FGF14: variants seen among roughly 807,000 people sequenced by gnomAD.
The protein encoded by FGF14 is fibroblast growth factor 14, also known as fibroblast growth factor homologous factor 4.
In FGF14, 5 loss-of-function variants were observed where a neutral mutation model predicts 25.5. The ratio of observed to expected loss-of-function variants is 0.20; its 90% CI spans 0.10 to 0.41. The LOEUF is 0.41. FGF14 is among the 10% of genes least tolerant of loss of function. FGF14 has a pLI of 1.00. For synonymous variants in FGF14, 138 were observed against 118.3 expected, an observed-to-expected ratio of 1.17 and a Z score of -1.08; for missense variants, 222 against 320.1, an observed-to-expected ratio of 0.69 and a Z score of 2.34.
intron 3 of FGF14, chr13:101,802,517 A>G (rs1235756090): frequency 6.2e-6 from 1 of 160,782 alleles, no homozygotes; most frequent in South Asian, 1.8e-4. Flanking sequence ...TGACACATCT[A>G]TTTGAGAAGT....
intron 1 of FGF14, among the ~76,000 whole-genome samples, chr13:102,121,552 T>C (rs74108985): frequency 5.8e-4 from 88 of 152,290 alleles, no homozygotes; most frequent in African/African-American, 2.1e-3. Flanking sequence ...TTTAATTAAG[T>C]TTTTATTTGT....
rs1191703902 is a variant in FGF14 at position 102,251,730 on chromosome 13, G to A, written c.208+149741C>T. Among the ~76,000 whole-genome samples, 3 of 152,100 alleles carry A rather than the reference G, an allele frequency of 2.0e-5. No homozygotes were observed. The East Asian group carries it at 5.8e-4, about 29-fold the overall frequency. ...GGAACCCAGTATCCCTCGTGCTTCA[G>A]TGGAAATCAGATGCCACACCCTTTA... On this transcript the variant is annotated intron_variant, in intron 1 of 4. Coordinates refer to the FGF14 transcript ENST00000376131.
chr13:102,393,333 G>A (rs954467040), intron 1 of FGF14, among the ~76,000 whole-genome samples: 3 of 152,116 alleles, frequency 2.0e-5, no homozygotes, highest in African/African-American at 7.2e-5. Context: ...TTCAAACACA[G>A]CAGCACTTTT....
At chr13:101,853,719 G>C (rs1357338315) in intron 3 of FGF14, among the ~76,000 whole-genome samples, 1 of 151,958 alleles carries the variant, frequency 6.6e-6, no homozygotes, top group Non-Finnish European at 1.5e-5. Flanking sequence ...GCCTCCCAAA[G>C]CACTGGGATT....
chr13:102,071,215 T>C (rs1193287664), intron 1 of FGF14, among the ~76,000 whole-genome samples: 2 of 152,168 alleles, frequency 1.3e-5, no homozygotes, highest in African/African-American at 4.8e-5. Flanking sequence ...GGTGGAAAAG[T>C]AACAGCACGA....
intron 1 of FGF14, among the ~76,000 whole-genome samples, chr13:102,053,870 T>C (rs2042320457): frequency 2.6e-5 from 4 of 152,180 alleles, no homozygotes; most frequent in Admixed American, 2.6e-4. Context: ...TTGTTTTTAC[T>C]GAACTGTAAG....
intron 1 of FGF14, among the ~76,000 whole-genome samples, chr13:102,250,094 A>G (rs2052094728): frequency 6.6e-6 from 1 of 152,084 alleles, no homozygotes; most frequent in African/African-American, 2.4e-5. Flanking sequence ...GTTGGAGAGG[A>G]CACCCCTCAA....
chr13:102,276,349 GTGTGTA>G (rs1377307860), intron 1 of FGF14, among the ~76,000 whole-genome samples: 189 of 32,752 alleles, frequency 5.8e-3, no homozygotes, highest in Non-Finnish European at 7.8e-3. Flanking sequence ...GTGTGTGTGT[GTGTGTA>G]TATATATATA....
intron 3 of FGF14, among the ~76,000 whole-genome samples, chr13:101,790,850 C>T (rs868085563): frequency 2.0e-5 from 3 of 151,996 alleles, no homozygotes; most frequent in East Asian, 1.9e-4. Flanking sequence ...AGTAATTAGC[C>T]GTAAATCTGC....
chr13:102,286,079 G>C (rs1224863203), intron 1 of FGF14, among the ~76,000 whole-genome samples: 1 of 152,164 alleles, frequency 6.6e-6, no homozygotes, highest in Non-Finnish European at 1.5e-5. Flanking sequence ...AGGTCTCATT[G>C]TTCACAACAG....
chr13:101,801,540 A>G (rs1259947177), intron 3 of FGF14, among the ~76,000 whole-genome samples: 1 of 152,146 alleles, frequency 6.6e-6, no homozygotes, highest in Admixed American at 6.6e-5. Flanking sequence ...TGGCCCAGGG[A>G]TCATTTCTTG....
At chr13:102,297,952 G>T (rs2054815124) in intron 1 of FGF14, among the ~76,000 whole-genome samples, 1 of 152,118 alleles carries the variant, frequency 6.6e-6, no homozygotes, top group Admixed American at 6.6e-5. Context: ...GAATGTGCAT[G>T]CAGGGAAGTT....
intron 1 of FGF14, among the ~76,000 whole-genome samples, chr13:102,347,477 G>A (rs2057143987): frequency 6.6e-6 from 1 of 152,198 alleles, no homozygotes; most frequent in African/African-American, 2.4e-5. Flanking sequence ...ATCATCAGGA[G>A]TTGACATGGC....
chr13:102,247,369 T>C (rs1480444629), intron 1 of FGF14, among the ~76,000 whole-genome samples: 1 of 151,550 alleles, frequency 6.6e-6, no homozygotes, highest in Non-Finnish European at 1.5e-5. Context: ...TATAAAGAAC[T>C]TAAAGAAATT....
intron 1 of FGF14, among the ~76,000 whole-genome samples, chr13:102,188,282 GA>G (rs1252361837): frequency 1.3e-5 from 2 of 151,996 alleles, no homozygotes; most frequent in Non-Finnish European, 2.9e-5. Flanking sequence ...TTTAGACTGG[GA>G]AAAAAACAAT....
intron 1 of FGF14, among the ~76,000 whole-genome samples, chr13:102,193,701 T>C (rs570029156): frequency 1.3e-5 from 2 of 152,298 alleles, no homozygotes; most frequent in South Asian, 2.1e-4. Context: ...CATGAGAAAC[T>C]ATAGAGTTCT....
intron 1 of FGF14, among the ~76,000 whole-genome samples, chr13:102,167,766 TAAGA>T (rs1189439377): frequency 1.3e-5 from 2 of 150,842 alleles, no homozygotes; most frequent in African/African-American, 4.9e-5. Flanking sequence ...GAATCCTCAT[TAAGA>T]TATTAGAAAC....
intron 1 of FGF14, among the ~76,000 whole-genome samples, chr13:102,327,990 A>C (rs1312131319): frequency 2.1e-5 from 3 of 145,082 alleles, no homozygotes; most frequent in Admixed American, 1.4e-4. Context: ...AAAAAAAAAA[A>C]CAGAATAAAT....
chr13:101,772,942 T>C lies in FGF14; in HGVS notation c.409-46132A>G, dbSNP rs561912553. Among the ~76,000 whole-genome samples, 134 of 152,272 alleles carry C rather than the reference T, an allele frequency of 8.8e-4. 1 individual carries two copies. Among genetic ancestry groups the C allele is most frequent in the African/African-American group, 3.2e-3 (131 of 41,568 alleles). Reference sequence around the variant, plus strand: ...AGTTATTTATAATCAATTTACTCTGTTGATTTCTAAACATAAAAAATATAT... The same window carrying C: ...AGTTATTTATAATCAATTTACTCTGCTGATTTCTAAACATAAAAAATATAT... On this transcript the variant is annotated intron_variant, in intron 3 of 4. Coordinates refer to ENST00000376143, the MANE Select transcript of FGF14 (RefSeq NM_004115.4).
Sources: allele counts gnomAD v4.1 joint callset (sites outside exome capture counted in the v4.1 genomes callset), GRCh38; gene constraint gnomAD v4.1.1; transcripts MANE v1.5; gene names NCBI Gene and HGNC (gene_info 2026-07-23, HGNC 2026-07-21).